RAPGEF4: variants seen among roughly 807,000 people sequenced by gnomAD.
RAPGEF4 encodes the protein Rap guanine nucleotide exchange factor 4.
RAPGEF4 carries 66 observed loss-of-function variants against 147.9 expected under a neutral mutation model. The observed-to-expected ratio is 0.45, with a 90% confidence interval of 0.37 to 0.55. The LOEUF (loss-of-function observed/expected upper bound fraction) is 0.55, where lower values mean the gene tolerates loss of function less well. Ranked by LOEUF, RAPGEF4 falls within the 20% of genes least tolerant of loss-of-function variation. The probability of loss-of-function intolerance (pLI) is 0.00; values close to 1 mark genes in which losing one functional copy is unlikely to be tolerated. For synonymous variants in RAPGEF4, 419 were observed against 442.7 expected, an observed-to-expected ratio of 0.95 and a Z score of 0.67; for missense variants, 1,071 against 1,257.3, an observed-to-expected ratio of 0.85 and a Z score of 2.24.
At chr2:172,868,036 A>C (rs771333658) in intron 4 of RAPGEF4, among the ~76,000 whole-genome samples, 2 of 152,248 alleles carry the variant, frequency 1.3e-5, no homozygotes, top group Non-Finnish European at 2.9e-5. Context: ...AAATTAATCC[A>C]AAATTTAACT....
intron 6 of RAPGEF4, among the ~76,000 whole-genome samples, chr2:172,955,963 C>G (rs1008074565): frequency 6.6e-6 from 1 of 152,218 alleles, no homozygotes; most frequent in African/African-American, 2.4e-5. Flanking sequence ...TTCTTTGACT[C>G]TCACGGATAC....
At chr2:172,846,486 A>G (rs552123932) in intron 4 of RAPGEF4, among the ~76,000 whole-genome samples, 2 of 152,324 alleles carry the variant, frequency 1.3e-5, no homozygotes, top group Non-Finnish European at 2.9e-5. Flanking sequence ...TTCACCTGCA[A>G]ACATTTTTAA....
intron 4 of RAPGEF4, among the ~76,000 whole-genome samples, chr2:172,866,473 A>G (rs1390423222): frequency 1.4e-4 from 21 of 152,072 alleles, no homozygotes; most frequent in Admixed American, 1.4e-3. Context: ...CTTTCTTTAT[A>G]CACTATTAAA....
At chr2:172,854,656 C>A (rs1371842542) in intron 4 of RAPGEF4, among the ~76,000 whole-genome samples, 1 of 151,942 alleles carries the variant, frequency 6.6e-6, no homozygotes, top group Non-Finnish European at 1.5e-5. Context: ...TTATTCCTCT[C>A]TCTTCCTTTC....
chr2:172,806,186 T>C (rs1043984683), intron 3 of RAPGEF4, among the ~76,000 whole-genome samples: 3 of 152,138 alleles, frequency 2.0e-5, no homozygotes, highest in Non-Finnish European at 4.4e-5. Context: ...TTTAAATTAA[T>C]CTTTACCTCT....
At position 172,764,888 on chromosome 2, in the gene RAPGEF4, C is replaced by A. The variant is rs142874001; in HGVS notation, c.65+28840C>A. 4.7e-3 allele frequency among the ~76,000 whole-genome samples: 722 copies of A among 152,240 alleles called. 3 individuals carry two copies. The highest frequency in any genetic ancestry group is 0.014 in the Middle Eastern group (4 of 294). ...CACTGAACATGGGCCTGAGAATTTG[C>A]CCTGGGAAGGTGAATTTCTATGGGA... On this transcript the variant is annotated intron_variant, in intron 1 of 30. Coordinates refer to ENST00000397081, the MANE Select transcript of RAPGEF4 (RefSeq NM_007023.4).
rs1342958007 is a variant in RAPGEF4, at chr2:173,052,253, TTCTTCCA to T, written c.*492_*498del. 3 of 153,184 alleles carry T rather than the reference TTCTTCCA, an allele frequency of 2.0e-5. No individual in the cohort carries two copies. The highest frequency in any genetic ancestry group is 7.2e-5 in the African/African-American group (3 of 41,468). The allele number at this position is 153,184 out of a possible 1,614,324, so 9.5% of individuals were successfully genotyped here. ...ATAGAAGTCCAAATTATAGGTTGTA[TTCTTCCA>T]TCTTCATTGTCTTACCTCTGAAGGA... On this transcript the variant is annotated 3_prime_UTR_variant, in exon 31 of 31. Transcript: ENST00000397081.
At chr2:172,966,767 T>C (rs1689882869) in intron 9 of RAPGEF4, among the ~76,000 whole-genome samples, 2 of 152,218 alleles carry the variant, frequency 1.3e-5, no homozygotes, top group Non-Finnish European at 2.9e-5. Flanking sequence ...CAACTAATTT[T>C]ATACTAACAT....
chr2:173,007,101 A>G (rs918098154), intron 17 of RAPGEF4, among the ~76,000 whole-genome samples: 6 of 152,166 alleles, frequency 3.9e-5, no homozygotes, highest in African/African-American at 1.4e-4. Flanking sequence ...CACAATAGGG[A>G]AAGTGAGCTT....
At chr2:172,819,394 A>G (rs1369043769) in intron 4 of RAPGEF4, among the ~76,000 whole-genome samples, 1 of 151,286 alleles carries the variant, frequency 6.6e-6, no homozygotes, top group Non-Finnish European at 1.5e-5. Context: ...AATATTGGAG[A>G]CAGTATGTTT....
At chr2:172,863,613 A>T (rs1307640998) in intron 4 of RAPGEF4, among the ~76,000 whole-genome samples, 1 of 152,232 alleles carries the variant, frequency 6.6e-6, no homozygotes, top group Non-Finnish European at 1.5e-5. Flanking sequence ...GACCTTTCAG[A>T]ACATAACCAT....
At chr2:173,003,695 C>CT (rs539499270) in intron 17 of RAPGEF4, among the ~76,000 whole-genome samples, 3 of 71,444 alleles carry the variant, frequency 4.2e-5, no homozygotes, top group Admixed American at 1.6e-4. Context: ...TGGAGTTTGC[C>CT]TTTTTTTTTT....
chr2:172,890,265 T>TCAGGACTC (rs1697752514), intron 4 of RAPGEF4, among the ~76,000 whole-genome samples: 1 of 152,090 alleles, frequency 6.6e-6, no homozygotes, highest in Non-Finnish European at 1.5e-5. Flanking sequence ...GGGCTTAGAG[T>TCAGGACTC]CAGGACTTTG....
chr2:172,977,388 T>G (rs994087982), intron 10 of RAPGEF4, among the ~76,000 whole-genome samples: 1 of 152,112 alleles, frequency 6.6e-6, no homozygotes, highest in Admixed American at 6.5e-5. Context: ...GTTCAGTGAT[T>G]GTGGTGGGGA....
intron 1 of RAPGEF4, among the ~76,000 whole-genome samples, chr2:172,783,214 G>C (rs191772813): frequency 5.9e-5 from 9 of 152,190 alleles, no homozygotes; most frequent in Admixed American, 2.0e-4. Context: ...TTCATCCATC[G>C]GCCGAGGACA....
intron 14 of RAPGEF4, among the ~76,000 whole-genome samples, chr2:172,989,588 C>T (rs1016714654): frequency 1.3e-5 from 2 of 152,256 alleles, no homozygotes; most frequent in Non-Finnish European, 2.9e-5. Context: ...CCCCAGCATG[C>T]GGTCCCTTGT....
At chr2:172,853,740 T>C (rs1056525383) in intron 4 of RAPGEF4, among the ~76,000 whole-genome samples, 2 of 152,028 alleles carry the variant, frequency 1.3e-5, no homozygotes, top group African/African-American at 4.8e-5. Context: ...ATTTTCATTA[T>C]CATTCAGTTC....
At chr2:172,886,880 G>A (rs1697286531) in intron 4 of RAPGEF4, among the ~76,000 whole-genome samples, 1 of 152,158 alleles carries the variant, frequency 6.6e-6, no homozygotes, top group Non-Finnish European at 1.5e-5. Flanking sequence ...GGGAAAGCAT[G>A]CCCTAGCTAT....
At chr2:172,893,155 A>G (rs920245629) in intron 4 of RAPGEF4, among the ~76,000 whole-genome samples, 7 of 152,218 alleles carry the variant, frequency 4.6e-5, no homozygotes, top group African/African-American at 1.2e-4. Flanking sequence ...CCAGAGTACA[A>G]CGAAGATCCC....
Sources: allele counts gnomAD v4.1 joint callset (sites outside exome capture counted in the v4.1 genomes callset), GRCh38; gene constraint gnomAD v4.1.1; transcripts MANE v1.5; gene names NCBI Gene and HGNC (gene_info 2026-07-23, HGNC 2026-07-21).